Variants in CRPPA observed in about 807,000 individuals in gnomAD.
CRPPA encodes CDP-L-ribitol pyrophosphorylase A, also known as D-ribitol-5-phosphate cytidylyltransferase.
A neutral mutation model predicts 52.0 loss-of-function variants in CRPPA; 43 were observed. That is an observed-to-expected ratio of 0.83 (90% confidence interval 0.65 to 1.07). The LOEUF is 1.07. Among genes scored for constraint, CRPPA ranks in the 50% least tolerant of loss-of-function variants. The probability of loss-of-function intolerance (pLI) is 0.00; values close to 1 mark genes in which losing one functional copy is unlikely to be tolerated. For synonymous variants in CRPPA, 250 were observed against 203.5 expected (o/e 1.23, Z -1.94); for missense variants, 629 against 551.7 (o/e 1.14, Z -1.40).
intron 8 of CRPPA, among the ~76,000 whole-genome samples, chr7:16,227,628 T>G (rs1048898606): frequency 6.6e-6 from 1 of 151,924 alleles, no homozygotes; most frequent in Non-Finnish European, 1.5e-5. Flanking sequence ...TAAGCCCTTA[T>G]GAGATGTATC....
intron 3 of CRPPA, among the ~76,000 whole-genome samples, chr7:16,330,756 A>G (rs185056353): frequency 1.3e-5 from 2 of 152,264 alleles, no homozygotes; most frequent in South Asian, 2.1e-4. Context: ...ATTGTTTTAA[A>G]TACTCCAGAG....
At chr7:16,280,687 C>T (rs182489831) in intron 5 of CRPPA, among the ~76,000 whole-genome samples, 162 of 152,168 alleles carry the variant, frequency 1.1e-3, no homozygotes, top group African/African-American at 3.5e-3. Flanking sequence ...ATATTACTAC[C>T]AACTTACAAA....
chr7:16,230,658 TACC>T (rs1348200292), intron 8 of CRPPA, among the ~76,000 whole-genome samples: 2 of 152,224 alleles, frequency 1.3e-5, no homozygotes, highest in Non-Finnish European at 2.9e-5. Context: ...CAGTCACTTG[TACC>T]ACATTTTTTT....
intron 5 of CRPPA, among the ~76,000 whole-genome samples, chr7:16,280,881 A>G (rs1303682014): frequency 6.6e-6 from 1 of 152,174 alleles, no homozygotes; most frequent in Non-Finnish European, 1.5e-5. Flanking sequence ...TTAGCCGGGC[A>G]TGATGGTGCA....
intron 9 of CRPPA, among the ~76,000 whole-genome samples, chr7:16,156,100 T>C (rs1037978506): frequency 2.9e-5 from 4 of 138,242 alleles, no homozygotes; most frequent in African/African-American, 5.4e-5. Flanking sequence ...ATAGACTTAC[T>C]GAGTTATTCA....
intron 3 of CRPPA, among the ~76,000 whole-genome samples, chr7:16,374,208 C>G (rs563913611): frequency 1.3e-5 from 2 of 152,088 alleles, no homozygotes; most frequent in Non-Finnish European, 2.9e-5. Flanking sequence ...ACAGCTAGAA[C>G]GAAGCAGGCA....
chr7:16,307,515 C>G (rs1188664235), intron 4 of CRPPA, among the ~76,000 whole-genome samples: 1 of 151,752 alleles, frequency 6.6e-6, no homozygotes, highest in Non-Finnish European at 1.5e-5. Flanking sequence ...AACCCCGTCT[C>G]TACTAAAAAT....
In CRPPA at chr7:16,132,529, A is replaced by T; in HGVS notation, c.1252-40730T>A. On this transcript the variant is annotated intron_variant, in intron 9 of 9. Coordinates refer to ENST00000407010, the MANE Select transcript of CRPPA (RefSeq NM_001101426.4). ...TAAAATTAGAGAAGTATATGTTTTA[A>T]TGAGGTTAGAAAGAGGTAGAAAGTG... Among the ~76,000 whole-genome samples the T allele has an allele frequency of 1.6e-5, 2 of 124,518 alleles. 1 individual carries two copies. The highest frequency in any genetic ancestry group is 1.6e-4 in the Admixed American group (2 of 12,352). 81.7% of individuals were successfully genotyped at this position (124,518 alleles called of 152,430 possible).
intron 9 of CRPPA, among the ~76,000 whole-genome samples, chr7:16,127,352 A>T (rs1383242325): frequency 6.6e-6 from 1 of 152,082 alleles, no homozygotes; most frequent in Non-Finnish European, 1.5e-5. Context: ...GGCTAATGTA[A>T]CAAGAAAAGA....
intron 9 of CRPPA, among the ~76,000 whole-genome samples, chr7:16,174,326 G>GT (rs372404474): frequency 6.6e-6 from 1 of 152,138 alleles, no homozygotes; most frequent in African/African-American, 2.4e-5. Context: ...AATCTTTTCG[G>GT]TAAGAGGTAG....
chr7:16,142,861 T>G (rs1187867276), intron 9 of CRPPA, among the ~76,000 whole-genome samples: 1 of 152,180 alleles, frequency 6.6e-6, no homozygotes, highest in African/African-American at 2.4e-5. Flanking sequence ...ATAACTTACT[T>G]TCTTCATGTC....
chr7:16,242,926 T>C (rs1289464799), intron 8 of CRPPA, among the ~76,000 whole-genome samples: 1 of 152,210 alleles, frequency 6.6e-6, no homozygotes, highest in African/African-American at 2.4e-5. Flanking sequence ...ATTTATAATA[T>C]GACCCACACG....
intron 2 of CRPPA, among the ~76,000 whole-genome samples, chr7:16,383,486 T>G (rs1026396301): frequency 1.3e-5 from 2 of 152,202 alleles, no homozygotes; most frequent in Non-Finnish European, 2.9e-5. Context: ...TTCTCAATAC[T>G]CCAGCTGTGT....
chr7:16,287,309 A>G (rs1388337166), intron 5 of CRPPA, among the ~76,000 whole-genome samples: 2 of 152,110 alleles, frequency 1.3e-5, no homozygotes, highest in South Asian at 2.1e-4. Flanking sequence ...TATAGTTTCT[A>G]TATTACAGTA....
chr7:16,094,570 A>AGT (rs3083129), intron 9 of CRPPA, among the ~76,000 whole-genome samples: 119,681 of 150,650 alleles, frequency 0.79, 48,446 homozygotes, highest in Admixed American at 0.88. Context: ...CACATACATA[A>AGT]GTGTGTGTGT....
intron 6 of CRPPA, 116 bp from the exon 7 acceptor site, chr7:16,259,128 T>C (rs1783726355): frequency 6.0e-6 from 3 of 504,098 alleles, no homozygotes; most frequent in Non-Finnish European, 9.1e-6. Context: ...CCATATATTT[T>C]TTAAAAAAAT....
chr7:16,326,831 T>A (rs1548569), intron 3 of CRPPA, among the ~76,000 whole-genome samples: 45 of 151,976 alleles, frequency 3.0e-4, no homozygotes, highest in African/African-American at 8.7e-4. Context: ...ACAAACTTCC[T>A]TCCCTGATAT....
At chr7:16,204,286 C>G (rs1357706588) in intron 9 of CRPPA, among the ~76,000 whole-genome samples, 1 of 152,012 alleles carries the variant, frequency 6.6e-6, no homozygotes, top group Non-Finnish European at 1.5e-5. Context: ...AAATTAATAT[C>G]CAAACAATAT....
rs538787669 is a variant in CRPPA at position 16,302,164 on chromosome 7, C to T, written c.790-698G>A. On this transcript the variant is annotated intron_variant, in intron 4 of 9. Coordinates refer to ENST00000407010, the MANE Select transcript of CRPPA (RefSeq NM_001101426.4). ...ACAAAAAATTAGCCAGGCGCGGTGG[C>T]GGGCGCCTGTAGTCCCAGCTACTCG... Among the ~76,000 whole-genome samples the T allele has an allele frequency of 5.9e-5, 9 of 151,966 alleles. No individual in the cohort carries two copies. In the South Asian group the frequency reaches 1.7e-3, roughly 28 times the overall value.
Sources: allele counts gnomAD v4.1 joint callset (sites outside exome capture counted in the v4.1 genomes callset), GRCh38; gene constraint gnomAD v4.1.1; transcripts MANE v1.5; gene names NCBI Gene and HGNC (gene_info 2026-07-23, HGNC 2026-07-21).